The following MIPOL1 variants were observed in gnomAD, a reference collection of about 807,000 sequenced individuals.
The protein encoded by MIPOL1 is mirror-image polydactyly 1.
MIPOL1 carries 57 observed loss-of-function variants against 60.9 expected under a neutral mutation model. The observed-to-expected ratio is 0.94, with a 90% confidence interval of 0.76 to 1.17. The LOEUF is 1.17. Ranked by LOEUF, MIPOL1 falls within the 50% of genes most tolerant of loss-of-function variation. The probability of loss-of-function intolerance (pLI) is 0.00; values close to 1 mark genes in which losing one functional copy is unlikely to be tolerated. For synonymous variants in MIPOL1, 179 were observed against 168.8 expected, an observed-to-expected ratio of 1.06 and a Z score of -0.47; for missense variants, 551 against 511.6, an observed-to-expected ratio of 1.08 and a Z score of -0.74.
chr14:37,359,990 T>C (rs1053391514), intron 9 of MIPOL1, among the ~76,000 whole-genome samples: 3 of 152,198 alleles, frequency 2.0e-5, no homozygotes, highest in African/African-American at 7.2e-5. Context: ...TTGAGATACG[T>C]TCCATCAATG....
chr14:37,432,293 A>G (rs1047069140), intron 11 of MIPOL1, among the ~76,000 whole-genome samples: 2 of 152,182 alleles, frequency 1.3e-5, no homozygotes, highest in African/African-American at 4.8e-5. Context: ...CAATAGTTCT[A>G]TGAATATGTG....
At chr14:37,210,399 G>A (rs550710978) in intron 1 of MIPOL1, among the ~76,000 whole-genome samples, 1 of 152,160 alleles carries the variant, frequency 6.6e-6, no homozygotes, top group South Asian at 2.1e-4. Context: ...CAGAACTCAG[G>A]GAAAGTCATT....
chr14:37,339,312 T>C (rs2090410394), intron 9 of MIPOL1, among the ~76,000 whole-genome samples: 1 of 152,156 alleles, frequency 6.6e-6, no homozygotes, highest in African/African-American at 2.4e-5. Context: ...CAGCAAACAT[T>C]GGTAAGGATA....
intron 1 of MIPOL1, chr14:37,219,737 T>C (rs1256008118): frequency 2.0e-5 from 3 of 152,234 alleles, no homozygotes; most frequent in African/African-American, 7.2e-5. Context: ...GCATGTATTC[T>C]GATGACTGAG....
At chr14:37,495,329 G>A (rs1392302689) in intron 11 of MIPOL1, among the ~76,000 whole-genome samples, 1 of 131,744 alleles carries the variant, frequency 7.6e-6, no homozygotes, top group Non-Finnish European at 1.5e-5. Flanking sequence ...CCCTTCCTGT[G>A]TCCATGTGAT....
At chr14:37,527,320 CTTAT>C (rs1376464038) in intron 12 of MIPOL1, among the ~76,000 whole-genome samples, 1 of 151,640 alleles carries the variant, frequency 6.6e-6, no homozygotes, top group Non-Finnish European at 1.5e-5. Context: ...TTTTGAGTTG[CTTAT>C]TTGAGGTTAT....
chr14:37,355,397 T>G (rs1411367934), intron 9 of MIPOL1, among the ~76,000 whole-genome samples: 3 of 143,714 alleles, frequency 2.1e-5, no homozygotes, highest in Non-Finnish European at 3.0e-5. Flanking sequence ...GGAGTTGCTC[T>G]TCTCGAGGAG....
chr14:37,300,231 G>A (rs1406690283), intron 7 of MIPOL1, among the ~76,000 whole-genome samples: 1 of 149,396 alleles, frequency 6.7e-6, no homozygotes, highest in East Asian at 2.1e-4. Flanking sequence ...AAAGAATGAA[G>A]ATGGGAGGTT....
chr14:37,436,770 C>T lies in MIPOL1; in HGVS notation c.1031+13821C>T, dbSNP rs368343556. Among the ~76,000 whole-genome samples the T allele has an allele frequency of 1.4e-4, 21 of 152,318 alleles. No homozygotes were observed. The East Asian group carries it at 2.7e-3, about 20-fold the overall frequency. ...TTATTTTGCCATGAGGCCCTTCCACCTGGCCCTATCCCAAAATGATGAATG... is the reference window on the plus strand; with the variant it reads ...TTATTTTGCCATGAGGCCCTTCCACTTGGCCCTATCCCAAAATGATGAATG... On this transcript the variant is annotated intron_variant, in intron 11 of 12. Coordinates refer to ENST00000684589, the MANE Select transcript of MIPOL1 (RefSeq NM_001388067.1).
chr14:37,296,280 G>T (rs1317508426), intron 7 of MIPOL1, among the ~76,000 whole-genome samples: 1 of 152,152 alleles, frequency 6.6e-6, no homozygotes, highest in Non-Finnish European at 1.5e-5. Flanking sequence ...CAACATACCA[G>T]AATCTCTGGG....
rs554650422 is a variant in MIPOL1 at position 37,205,109 on chromosome 14, GT to G, written c.-199+7016del. On this transcript the variant is annotated intron_variant, in intron 1 of 12. Coordinates refer to ENST00000684589, the MANE Select transcript of MIPOL1 (RefSeq NM_001388067.1). ...AGATATCTGATGGAATAAGTTTTTT[GT>G]TTTTTTTTTTGAGACGGAGTTTTGC... is the stretch of plus-strand genomic sequence containing the variant. Among the ~76,000 whole-genome samples the G allele has an allele frequency of 4.3e-4, 63 of 145,238 alleles. No individual in the cohort carries two copies. In the South Asian group the frequency reaches 0.012, roughly 27 times the overall value.
intron 1 of MIPOL1, among the ~76,000 whole-genome samples, chr14:37,237,970 T>G (rs1308329194): frequency 1.3e-5 from 2 of 152,074 alleles, no homozygotes; most frequent in African/African-American, 4.8e-5. Context: ...ATTTTGAAAT[T>G]TTTTTCTTCT....
At chr14:37,248,969 A>T (rs1973638360) in intron 3 of MIPOL1, among the ~76,000 whole-genome samples, 2 of 145,618 alleles carry the variant, frequency 1.4e-5, no homozygotes, top group South Asian at 4.3e-4. Context: ...CTGAAAAACA[A>T]ATGGAAGGAT....
intron 1 of MIPOL1, among the ~76,000 whole-genome samples, chr14:37,211,813 C>A (rs536250711): frequency 1.3e-5 from 2 of 151,682 alleles, no homozygotes; most frequent in African/African-American, 4.8e-5. Flanking sequence ...CAAAAGAGAC[C>A]CTTTCCTTCT....
intron 11 of MIPOL1, among the ~76,000 whole-genome samples, chr14:37,442,736 G>A (rs2094270288): frequency 6.6e-6 from 1 of 151,654 alleles, no homozygotes; most frequent in African/African-American, 2.4e-5. Context: ...CTTTACAATA[G>A]CATCAAAAAG....
chr14:37,464,879 A>G (rs1383730524), intron 11 of MIPOL1, among the ~76,000 whole-genome samples: 1 of 152,132 alleles, frequency 6.6e-6, no homozygotes, highest in Admixed American at 6.5e-5. Context: ...CAGTGTAACA[A>G]ATTTTTGTTT....
intron 6 of MIPOL1, among the ~76,000 whole-genome samples, chr14:37,283,328 A>T (rs776672239): frequency 6.6e-6 from 1 of 152,064 alleles, no homozygotes; most frequent in African/African-American, 2.4e-5. Context: ...CGGCCTCCCA[A>T]AGTGCTAGGA....
intron 7 of MIPOL1, among the ~76,000 whole-genome samples, chr14:37,288,856 C>A (rs1322003192): frequency 6.6e-6 from 1 of 151,918 alleles, no homozygotes; most frequent in Non-Finnish European, 1.5e-5. Context: ...GACATGATTG[C>A]AGTCTCGTTT....
At chr14:37,206,438 G>T (rs959396739) in intron 1 of MIPOL1, among the ~76,000 whole-genome samples, 1 of 152,200 alleles carries the variant, frequency 6.6e-6, no homozygotes, top group African/African-American at 2.4e-5. Context: ...CCAGGCAGAA[G>T]TTTGCTACAG....
Sources: allele counts gnomAD v4.1 joint callset (sites outside exome capture counted in the v4.1 genomes callset), GRCh38; gene constraint gnomAD v4.1.1; transcripts MANE v1.5; gene names NCBI Gene and HGNC (gene_info 2026-07-23, HGNC 2026-07-21).